DCAF8L2: variants seen among roughly 807,000 people sequenced by gnomAD.
DCAF8L2 encodes the protein DDB1- and CUL4-associated factor 8-like protein 2.
For synonymous variants in DCAF8L2, 200 were observed against 190.9 expected (o/e 1.05, Z -0.39); for missense variants, 430 against 490.7 (o/e 0.88, Z 1.17).
the DCAF8L2 span, among the ~76,000 whole-genome samples, chrX:27,501,974 T>G: frequency 9.1e-6 from 1 of 109,672 alleles, no homozygotes; most frequent in Non-Finnish European, 1.9e-5. Flanking sequence ...TATAAATATG[T>G]GAAAGAGCAT....
chrX:27,639,987 G>A (rs777207845), intron 2 of DCAF8L2, among the ~76,000 whole-genome samples: 3 of 103,423 alleles, frequency 2.9e-5, no homozygotes, highest in Non-Finnish European at 5.9e-5. Context: ...TATGCACAAC[G>A]TGCAGGTTTG....
At chrX:27,519,769 T>C in the DCAF8L2 span, 1 of 535,133 alleles carries the variant, frequency 1.9e-6, no homozygotes, top group South Asian at 2.7e-5. Context: ...TGAAACCAAT[T>C]TGAGGCTTTT....
At chrX:27,674,167 A>G (rs1184493013) in intron 2 of DCAF8L2, among the ~76,000 whole-genome samples, 1 of 111,675 alleles carries the variant, frequency 9.0e-6, no homozygotes, top group Non-Finnish European at 1.9e-5. Flanking sequence ...TTGGCAAGTT[A>G]ACTTTCTTAT....
chrX:27,680,375 A>ATTGTTAAAGTAAAG (rs1206024096), intron 3 of DCAF8L2, among the ~76,000 whole-genome samples: 2 of 112,412 alleles, frequency 1.8e-5, no homozygotes, highest in Non-Finnish European at 3.8e-5. Flanking sequence ...GTCACGCAGG[A>ATTGTTAAAGTAAAG]TCACAATAGC....
At position 27,634,957 on chromosome X, in the gene DCAF8L2, T is replaced by C. The variant is rs201048535; in HGVS notation, c.-220+2957T>C. Among the ~76,000 whole-genome samples the C allele has an allele frequency of 1.6e-3, 163 of 99,598 alleles. 1 individual carries two copies. The highest frequency in any genetic ancestry group is 6.5e-3 in the East Asian group (20 of 3,090). 86.5% of individuals were successfully genotyped at this position (99,598 alleles called of 115,157 possible). A position where few individuals can be genotyped will look rare whatever the true frequency, so the allele number is the denominator to read the frequency against. On this transcript the variant is annotated intron_variant, in intron 2 of 4. Transcript: ENST00000451261. Reference sequence around the variant, plus strand: ...ATAAGGGATACACAAACCATGTATATACACACACACACACACACACACACA... The same window carrying C: ...ATAAGGGATACACAAACCATGTATACACACACACACACACACACACACACA...
chrX:27,582,609 A>G, the DCAF8L2 span, among the ~76,000 whole-genome samples: 73 of 111,782 alleles, frequency 6.5e-4, no homozygotes, highest in Admixed American at 4.8e-4. Flanking sequence ...TCAGAAGTGC[A>G]TCACATCAGT....
chrX:27,700,725 G>C (rs1473747384), intron 3 of DCAF8L2, among the ~76,000 whole-genome samples: 1 of 111,495 alleles, frequency 9.0e-6, no homozygotes, highest in East Asian at 2.8e-4. Context: ...AGTCTACTTT[G>C]TAGCCAAGAC....
At chrX:27,709,610 C>T (rs989370805) in intron 3 of DCAF8L2, among the ~76,000 whole-genome samples, 2 of 111,952 alleles carry the variant, frequency 1.8e-5, no homozygotes, top group Non-Finnish European at 3.8e-5. Flanking sequence ...TCTAGAATAA[C>T]CACTCAATTC....
intron 1 of DCAF8L2, among the ~76,000 whole-genome samples, chrX:27,591,015 A>ATATATATATATATATATATATATATATC (rs4009506): frequency 1.0e-5 from 1 of 95,314 alleles, no homozygotes; most frequent in Non-Finnish European, 2.1e-5. Context: ...ATATATATAT[A>ATATATATATATATATATATATATATATC]AATAAATAAT....
the DCAF8L2 span, among the ~76,000 whole-genome samples, chrX:27,505,618 C>T: frequency 1.1e-4 from 12 of 111,206 alleles, no homozygotes; most frequent in Admixed American, 1.2e-3. Flanking sequence ...TACTCATATC[C>T]CTGTGCAATC....
At chrX:27,534,268 C>T in the DCAF8L2 span, among the ~76,000 whole-genome samples, 1 of 109,979 alleles carries the variant, frequency 9.1e-6, no homozygotes, top group African/African-American at 3.3e-5. Flanking sequence ...GATAATTGTA[C>T]TTTGTTTATG....
At chrX:27,700,274 A>G (rs746213435) in intron 3 of DCAF8L2, among the ~76,000 whole-genome samples, 48 of 110,502 alleles carry the variant, frequency 4.3e-4, no homozygotes, top group African/African-American at 1.4e-3. Context: ...GAGTGCTGTA[A>G]CTTTGACAGG....
At chrX:27,501,321 T>A in the DCAF8L2 span, among the ~76,000 whole-genome samples, 1 of 107,324 alleles carries the variant, frequency 9.3e-6, no homozygotes. Context: ...TAAGGAGATG[T>A]CATGTGGAGC....
At chrX:27,590,991 T>TTATA (rs10571931) in intron 1 of DCAF8L2, among the ~76,000 whole-genome samples, 997 of 68,028 alleles carry the variant, frequency 0.015, 26 homozygotes, top group Middle Eastern at 0.032. Context: ...CCTTTACATT[T>TTATA]TATATATATA....
the DCAF8L2 span, among the ~76,000 whole-genome samples, chrX:27,565,052 T>C: frequency 9.2e-6 from 1 of 109,237 alleles, no homozygotes; most frequent in Non-Finnish European, 1.9e-5. Context: ...GTTTTAACAA[T>C]ACATTATATA....
At chrX:27,646,034 T>C (rs1416168588) in intron 2 of DCAF8L2, among the ~76,000 whole-genome samples, 1 of 111,559 alleles carries the variant, frequency 9.0e-6, no homozygotes, top group Non-Finnish European at 1.9e-5. Flanking sequence ...TAAGCTACCA[T>C]TGATATTCTT....
At chrX:27,718,624 A>T in intron 4 of DCAF8L2, among the ~76,000 whole-genome samples, 1 of 111,319 alleles carries the variant, frequency 9.0e-6, no homozygotes, top group East Asian at 2.8e-4. Context: ...TGATCCAATC[A>T]ACTGAAGGCC....
At chrX:27,573,840 C>T in the DCAF8L2 span, among the ~76,000 whole-genome samples, 1 of 107,808 alleles carries the variant, frequency 9.3e-6, no homozygotes, top group African/African-American at 3.5e-5. Context: ...GGAGACTATG[C>T]ACTTCTTTCT....
chrX:27,679,164 G>A (rs1045749660), intron 3 of DCAF8L2, among the ~76,000 whole-genome samples: 3 of 111,530 alleles, frequency 2.7e-5, no homozygotes, highest in Non-Finnish European at 3.8e-5. Context: ...ATTTATAGGA[G>A]CCAAAGATCA....
Sources: gnomAD v4.1 joint callset for allele counts (sites outside exome capture counted in the v4.1 genomes callset) on GRCh38, gnomAD v4.1.1 for gene constraint, MANE v1.5 for transcripts, NCBI Gene and HGNC (gene_info 2026-07-23, HGNC 2026-07-21) for gene names.